CHRNA10: variants seen among roughly 807,000 people sequenced by gnomAD.
CHRNA10 encodes neuronal acetylcholine receptor subunit alpha-10.
CHRNA10 carries 31 observed loss-of-function variants against 36.0 expected under a neutral mutation model. The ratio of observed to expected loss-of-function variants is 0.86; its 90% CI spans 0.65 to 1.16. The LOEUF (loss-of-function observed/expected upper bound fraction) is 1.16. CHRNA10 is among the 50% of genes most tolerant of loss of function. CHRNA10 has a pLI of 0.00. For synonymous variants in CHRNA10, 302 were observed against 287.0 expected, an observed-to-expected ratio of 1.05 and a Z score of -0.53; for missense variants, 648 against 640.9, an observed-to-expected ratio of 1.01 and a Z score of -0.12.
Position 3,666,534 on chromosome 11 carries a change from A to G in CHRNA10, c.926T>C (p.Val309Ala). The change falls in exon 5 of 5, where the codon GTC (valine) becomes GCC (alanine). Residue 309 changes from valine (V) to alanine (A), a missense_variant. Physicochemically the swap from Val to Ala is moderately conservative, Grantham distance 64. Coordinates refer to ENST00000250699, the MANE Select transcript of CHRNA10 (RefSeq NM_020402.4). The stretch of plus-strand genomic sequence containing the variant: ...GATGGTGAGTGCTGTTGAGAATGTG[A>G]CCATGGTCATAGTGGCCATGTAGTA... ...GKYYMATMTMVTFSTALTILI... is the reference protein window; with the variant it reads ...GKYYMATMTMATFSTALTILI... The G allele has an allele frequency of 6.4e-7, 1 of 1,565,424 alleles. No homozygotes were observed. The highest frequency in any genetic ancestry group is 8.7e-7 in the Non-Finnish European group (1 of 1,153,332).
chr11:3,671,220 A>G, intron 1 of CHRNA10, 32 bp downstream of exon 1: 1 of 1,606,620 alleles, frequency 6.2e-7, no homozygotes, highest in Non-Finnish European at 8.5e-7. Context: ...CACCACCAGG[A>G]GAGGCCAGGG....
chr11:3,670,308 C>T (rs1425308508), intron 1 of CHRNA10, among the ~76,000 whole-genome samples: 1 of 152,172 alleles, frequency 6.6e-6, no homozygotes, highest in Non-Finnish European at 1.5e-5. Flanking sequence ...CCTCCAGTAT[C>T]TCTCAAACCT....
chr11:3,669,465 C>T (rs2077696288), intron 2 of CHRNA10, 115 bp from the exon 3 acceptor site: 2 of 1,304,092 alleles, frequency 1.5e-6, no homozygotes, highest in Non-Finnish European at 1.1e-6. Context: ...CTTGTCCATA[C>T]CGTCCAGTTC....
chr11:3,666,628 C>A (rs1056367180), intron 4 of CHRNA10, 64 bp from the exon 5 acceptor site: 6 of 1,261,428 alleles, frequency 4.8e-6, no homozygotes, highest in East Asian at 2.4e-5. Context: ...AGCTTCCCAG[C>A]CACCTCTGCA....
At chr11:3,669,751 CTG>C in intron 2 of CHRNA10, 43 bp downstream of exon 2, 2 of 1,610,792 alleles carry the variant, frequency 1.2e-6, no homozygotes, top group Non-Finnish European at 1.7e-6. Context: ...TTTCTTGACA[CTG>C]TGACAGGTAA....
At chr11:3,667,209 C>A (rs762488072) in intron 4 of CHRNA10, 23 bp downstream of exon 4, 1 of 1,533,034 alleles carries the variant, frequency 6.5e-7, no homozygotes, top group Non-Finnish European at 8.7e-7. Context: ...ATCGTCAGGT[C>A]CCCCCGCGCC....
chr11:3,665,858 C>T lies in CHRNA10; in HGVS notation c.*249G>A, dbSNP rs2077655013. On this transcript the variant is annotated 3_prime_UTR_variant, in exon 5 of 5. Coordinates refer to ENST00000250699, the MANE Select transcript of CHRNA10 (RefSeq NM_020402.4). Reference sequence around the variant, plus strand: ...AATTCTGTCCCTCCAAGACTGTACTCTGTGATCTTGGCCTTTGTAGAGTTC... The same window carrying T: ...AATTCTGTCCCTCCAAGACTGTACTTTGTGATCTTGGCCTTTGTAGAGTTC... The T allele has an allele frequency of 6.7e-6, 3 of 445,816 alleles. No individual in the cohort carries two copies. The South Asian group carries it at 1.6e-4, about 23-fold the overall frequency. The allele number at this position is 445,816 out of a possible 1,614,324, so 27.6% of individuals were successfully genotyped here.
In CHRNA10 at chr11:3,665,971, GAAGTC is replaced by G. The variant is rs965277129; in HGVS notation, c.*131_*135del. ...CAATGAGTGCTCCCTTGTGGATTGTGAAGTCAAGTGTCTCAGGATCTTAGGAGCAG... is the reference window on the plus strand; with the variant it reads ...CAATGAGTGCTCCCTTGTGGATTGTGAAGTGTCTCAGGATCTTAGGAGCAG... On this transcript the variant is annotated 3_prime_UTR_variant, in exon 5 of 5. Coordinates refer to ENST00000250699, the MANE Select transcript of CHRNA10 (RefSeq NM_020402.4). The G allele has an allele frequency of 4.2e-6, 3 of 707,440 alleles. No homozygotes were observed. Among genetic ancestry groups the G allele is most frequent in the Non-Finnish European group, 4.5e-6 (2 of 440,890 alleles). The allele number at this position is 707,440 out of a possible 1,614,324, so 43.8% of individuals were successfully genotyped here.
rs773474519 is a variant in CHRNA10, at chr11:3,667,415, C to T, written c.712G>A (p.Ala238Thr). ...FTLLLRRRAA[A>T]YVCNLLLPCV... is the part of the protein sequence containing the mutation. ...GGCAGCAGCAGGTTGCACACGTAGG[C>T]GGCGGCGCGGCGGCGCAGCAGCAGC... Residue 238 changes from alanine to threonine, a missense_variant, in exon 4 of 5, where the codon GCC becomes ACC. Ala to Thr is a moderately conservative substitution (Grantham distance 58). Coordinates refer to ENST00000250699, the MANE Select transcript of CHRNA10 (RefSeq NM_020402.4). The T allele has an allele frequency of 1.7e-5, 27 of 1,595,886 alleles. No individual in the cohort carries two copies. Among genetic ancestry groups the T allele is most frequent in the South Asian group, 2.2e-5 (2 of 90,654 alleles).
chr11:3,669,033 G>A (rs1045515199), intron 3 of CHRNA10, 163 bp downstream of exon 3: 4 of 707,788 alleles, frequency 5.7e-6, no homozygotes, highest in Non-Finnish European at 9.1e-6. Flanking sequence ...GGGGTGCCAT[G>A]GAGGGGCTGA....
chr11:3,670,522 T>G (rs188707506), intron 1 of CHRNA10, among the ~76,000 whole-genome samples: 4 of 152,086 alleles, frequency 2.6e-5, no homozygotes, highest in Non-Finnish European at 5.9e-5. Context: ...CAGACCCCAA[T>G]AGAGTACAGT....
rs2231548 is a variant in CHRNA10 at position 3,666,199 on chromosome 11, G to A, written c.1261C>T (p.Arg421Cys). ...AAGCGGTCCATCACACGGGCCAGGC[G>A]CTTCCAGTCCTCATGGCAGCGCTGG... ...AAQRCHEDWK[R>C]LARVMDRFFL... The change falls in exon 5 of 5, where the codon CGC becomes TGC. Residue 421 changes from arginine to cysteine, a missense_variant. Physicochemically the swap from Arg to Cys is radical, Grantham distance 180. Coordinates refer to ENST00000250699, the MANE Select transcript of CHRNA10 (RefSeq NM_020402.4). 1,074 of 1,613,846 alleles carry A rather than the reference G, an allele frequency of 6.7e-4. 4 individuals carry two copies. The African/African-American group carries it at 0.011, about 17-fold the overall frequency.
intron 4 of CHRNA10, among the ~76,000 whole-genome samples, 200 bp downstream of exon 4, chr11:3,667,032 T>A (rs2077667579): frequency 6.6e-6 from 1 of 152,198 alleles, no homozygotes; most frequent in Non-Finnish European, 1.5e-5. Context: ...TGTTCCATCA[T>A]CAAGGGCCAA....
intron 3 of CHRNA10, 145 bp downstream of exon 3, chr11:3,669,051 G>T: frequency 1.1e-6 from 1 of 891,178 alleles, no homozygotes; most frequent in South Asian, 1.8e-5. Context: ...TGAGTGCCTG[G>T]CAGCTTAGAA....
chr11:3,670,154 C>T (rs567438290), intron 1 of CHRNA10, among the ~76,000 whole-genome samples: 109 of 152,184 alleles, frequency 7.2e-4, no homozygotes, highest in Non-Finnish European at 1.4e-3. Flanking sequence ...TATCTTCTGG[C>T]GCCAGGCTGA....
Position 3,667,704 on chromosome 11 carries a change from G to A in CHRNA10, c.423C>T (p.Ala141=), listed in dbSNP as rs147957618. The A allele has an allele frequency of 7.0e-3, 11,015 of 1,573,860 alleles. 62 individuals carry two copies. Among genetic ancestry groups the A allele is most frequent in the Non-Finnish European group, 7.3e-3 (8,546 of 1,166,870 alleles). ...STNVVLRHDG[A]VRWDAPAITR... Reference sequence around the variant, plus strand: ...TGATGGCCGGCGCGTCCCAGCGCACGGCGCCATCGTGGCGCAGGACCACGT... The same window carrying A: ...TGATGGCCGGCGCGTCCCAGCGCACAGCGCCATCGTGGCGCAGGACCACGT... The change falls in exon 4 of 5, where the codon GCC becomes GCT. Residue 141 remains alanine (A), a synonymous_variant. Coordinates refer to ENST00000250699, the MANE Select transcript of CHRNA10 (RefSeq NM_020402.4).
intron 3 of CHRNA10, among the ~76,000 whole-genome samples, chr11:3,668,103 A>G (rs1255934625): frequency 6.6e-6 from 1 of 152,202 alleles, no homozygotes; most frequent in Non-Finnish European, 1.5e-5. Flanking sequence ...GCCACTATTT[A>G]TAACTTACTG....
Position 3,666,577 on chromosome 11 carries a change from G to C in CHRNA10, c.896-13C>G, listed in dbSNP as rs758712923. The C allele has an allele frequency of 6.6e-7, 1 of 1,515,082 alleles. No individual in the cohort carries two copies. The highest frequency in any genetic ancestry group is 1.4e-5 in the African/African-American group (1 of 71,704). 93.9% of individuals were successfully genotyped at this position (1,515,082 alleles called of 1,614,324 possible). A position where few individuals can be genotyped will look rare whatever the true frequency, so the allele number is the denominator to read the frequency against. On this transcript the variant is annotated splice_polypyrimidine_tract_variant and intron_variant, in intron 4 of 4. Transcript: ENST00000250699. ...ATGTAGTACTTCCCTGCAAGAGAGA[G>C]AGAAAGCCAATTGACTCAAAACAAA...
In CHRNA10 at chr11:3,666,023, A is replaced by G. The variant is rs1307928055; in HGVS notation, c.*84T>C. The G allele has an allele frequency of 7.9e-7, 1 of 1,266,104 alleles. No homozygotes were observed. Among genetic ancestry groups the G allele is most frequent in the Non-Finnish European group, 1.1e-6 (1 of 934,536 alleles). 78.4% of individuals were successfully genotyped at this position (1,266,104 alleles called of 1,614,324 possible). The stretch of plus-strand genomic sequence containing the variant: ...GCAGTGGGGAGAGACTGGCTGGCCC[A>G]AAGACCAGCAACCACTTGGCCGTGG... On this transcript the variant is annotated 3_prime_UTR_variant, in exon 5 of 5. Transcript: ENST00000250699.
Sources: allele counts gnomAD v4.1 joint callset (sites outside exome capture counted in the v4.1 genomes callset), GRCh38; gene constraint gnomAD v4.1.1; transcripts MANE v1.5; gene names NCBI Gene and HGNC (gene_info 2026-07-23, HGNC 2026-07-21).